TENM2: variants seen among roughly 807,000 people sequenced by gnomAD.
The protein encoded by TENM2 is teneurin transmembrane protein 2.
Under a neutral mutation model 245.2 loss-of-function variants are expected in TENM2, and 52 were observed. That is an observed-to-expected ratio of 0.21 (90% CI 0.17 to 0.27). TENM2 has a LOEUF of 0.27. Ranked by LOEUF, TENM2 falls within the 10% of genes least tolerant of loss-of-function variation. The pLI, the probability that TENM2 is intolerant of heterozygous loss-of-function variation, is 1.00. For synonymous variants in TENM2, 1,363 were observed against 1,438.9 expected, an observed-to-expected ratio of 0.95 and a Z score of 1.19; for missense variants, 3,046 against 3,666.8, an observed-to-expected ratio of 0.83 and a Z score of 4.37.
chr5:168,239,143 C>T (rs866724224), intron 25 of TENM2, among the ~76,000 whole-genome samples: 5 of 152,182 alleles, frequency 3.3e-5, no homozygotes, highest in Non-Finnish European at 5.9e-5. Context: ...AAGGGCCGAT[C>T]GTGCCTGTTG....
chr5:167,606,700 G>C (rs150314040), intron 2 of TENM2, among the ~76,000 whole-genome samples: 37 of 152,232 alleles, frequency 2.4e-4, no homozygotes, highest in African/African-American at 8.4e-4. Context: ...CACGAGATTT[G>C]CATTTAATGC....
chr5:167,486,450 T>G (rs1489834837), intron 2 of TENM2, among the ~76,000 whole-genome samples: 1 of 151,384 alleles, frequency 6.6e-6, no homozygotes, highest in Non-Finnish European at 1.5e-5. Context: ...TGCCTCAGCC[T>G]CCCGAGTAGC....
chr5:168,120,197 C>T (rs1368257239), intron 10 of TENM2, among the ~76,000 whole-genome samples: 1 of 150,540 alleles, frequency 6.6e-6, no homozygotes, highest in African/African-American at 2.4e-5. Context: ...TTAATGGGGA[C>T]CAGAAGTCTG....
At chr5:167,268,404 G>A in the TENM2 span, among the ~76,000 whole-genome samples, 1 of 152,142 alleles carries the variant, frequency 6.6e-6, no homozygotes, top group Non-Finnish European at 1.5e-5. Context: ...TTTCAAATCA[G>A]TAACCTCCTA....
intron 1 of TENM2, among the ~76,000 whole-genome samples, chr5:167,365,194 G>A (rs1005525602): frequency 3.3e-5 from 5 of 152,030 alleles, no homozygotes; most frequent in East Asian, 1.9e-4. Context: ...TAAGTAACCT[G>A]TGGGTCAAAG....
At chr5:168,002,138 A>G (rs1246948432) in intron 5 of TENM2, among the ~76,000 whole-genome samples, 1 of 152,206 alleles carries the variant, frequency 6.6e-6, no homozygotes, top group East Asian at 1.9e-4. Flanking sequence ...AAAGCCATGG[A>G]TGAGAAGAGA....
chr5:167,809,472 A>G (rs572680307), intron 2 of TENM2, among the ~76,000 whole-genome samples: 1 of 152,254 alleles, frequency 6.6e-6, no homozygotes, highest in African/African-American at 2.4e-5. Context: ...AGGGAATTCA[A>G]TTTGATGATC....
At chr5:167,007,915 T>C in the TENM2 span, among the ~76,000 whole-genome samples, 1 of 152,086 alleles carries the variant, frequency 6.6e-6, no homozygotes, top group Non-Finnish European at 1.5e-5. The surrounding 1 kb of genome is among the most constrained non-coding windows in gnomAD (Gnocchi z 4.2). Flanking sequence ...GACTAACAGG[T>C]GCAGGGCTCT....
intron 2 of TENM2, among the ~76,000 whole-genome samples, chr5:167,634,980 G>C (rs377399635): frequency 6.6e-6 from 1 of 152,114 alleles, no homozygotes. Context: ...TCATCAGAAC[G>C]TTATGAGATC....
intron 14 of TENM2, 55 bp downstream of exon 16, chr5:168,190,602 G>A (rs1279773629): frequency 1.3e-6 from 2 of 1,518,430 alleles, no homozygotes; most frequent in East Asian, 2.3e-5. Context: ...CTTCCTGTTG[G>A]AGCCAGAGGC....
chr5:167,353,427 T>C lies in TENM2; in HGVS notation c.227-21771T>C, dbSNP rs370329978. 1.2e-4 allele frequency among the ~76,000 whole-genome samples: 18 copies of C among 151,062 alleles called. No individual in the cohort carries two copies. The East Asian group carries it at 1.6e-3, about 13-fold the overall frequency. On this transcript the variant is annotated intron_variant, in intron 1 of 28. Transcript: ENST00000518659. The stretch of plus-strand genomic sequence containing the variant: ...TTTTACATACATTTCTCATCTGATC[T>C]AAGGCTTTGGGTCCGTCCAAGTGAC...
the TENM2 span, among the ~76,000 whole-genome samples, chr5:167,176,076 G>C: frequency 1.3e-5 from 2 of 152,130 alleles, no homozygotes; most frequent in Admixed American, 1.3e-4. Flanking sequence ...TAAAGATGTG[G>C]TGAATCTCTA....
chr5:168,102,339 C>T (rs948016606), intron 9 of TENM2, among the ~76,000 whole-genome samples: 3 of 152,242 alleles, frequency 2.0e-5, no homozygotes, highest in Non-Finnish European at 2.9e-5. Flanking sequence ...TCCCAAAGTG[C>T]TGGGATTACA....
the TENM2 span, among the ~76,000 whole-genome samples, chr5:167,178,664 G>A: frequency 6.6e-6 from 1 of 151,524 alleles, no homozygotes; most frequent in Non-Finnish European, 1.5e-5. Context: ...TTTCTAACTT[G>A]AACGTGAACT....
At chr5:167,690,203 A>T (rs1757336774) in intron 2 of TENM2, among the ~76,000 whole-genome samples, 1 of 150,058 alleles carries the variant, frequency 6.7e-6, no homozygotes, top group African/African-American at 2.5e-5. Context: ...CACTTCCTAC[A>T]TGTCAAGCCA....
chr5:167,289,575 C>T (rs1754523345), intron 1 of TENM2, among the ~76,000 whole-genome samples: 1 of 152,168 alleles, frequency 6.6e-6, no homozygotes, highest in African/African-American at 2.4e-5. Context: ...AGCATGTAAA[C>T]AAAAATCAAC....
At chr5:168,182,275 A>C (rs1287493857) in intron 13 of TENM2, among the ~76,000 whole-genome samples, 4 of 152,228 alleles carry the variant, frequency 2.6e-5, no homozygotes, top group Non-Finnish European at 4.4e-5. Flanking sequence ...CCAACTTGTC[A>C]GCAGGCGTAG....
the TENM2 span, among the ~76,000 whole-genome samples, chr5:167,040,266 C>T: frequency 2.0e-5 from 3 of 151,948 alleles, no homozygotes; most frequent in African/African-American, 7.3e-5. Context: ...AGTGCTCAGA[C>T]CTACAAGGCC....
At chr5:167,110,654 A>T in the TENM2 span, among the ~76,000 whole-genome samples, 1 of 152,192 alleles carries the variant, frequency 6.6e-6, no homozygotes, top group Non-Finnish European at 1.5e-5. Context: ...ACTGGACTCC[A>T]TGTCTGCCAC....
Sources: gnomAD v4.1 joint callset for allele counts (sites outside exome capture counted in the v4.1 genomes callset) on GRCh38, gnomAD v4.1.1 for gene constraint, Gnocchi (gnomAD v3.1) non-coding constraint, MANE v1.5 for transcripts, NCBI Gene and HGNC (gene_info 2026-07-23, HGNC 2026-07-21) for gene names.